Variants in BMERB1 observed in about 807,000 individuals in gnomAD.
BMERB1 encodes bMERB domain containing 1, also known as bMERB domain-containing protein 1.
BMERB1 carries 12 observed loss-of-function variants against 23.6 expected under a neutral mutation model. The ratio of observed to expected loss-of-function variants is 0.51; its 90% CI spans 0.33 to 0.82. BMERB1 has a LOEUF of 0.82. Ranked by LOEUF, BMERB1 falls within the 40% of genes least tolerant of loss-of-function variation. The pLI, the probability that BMERB1 is intolerant of heterozygous loss-of-function variation, is 0.03. For missense variants in BMERB1, 247 were observed against 255.4 expected (o/e 0.97, Z 0.22); for synonymous variants, 122 against 96.6 (o/e 1.26, Z -1.54).
intron 2 of BMERB1, among the ~76,000 whole-genome samples, chr16:15,520,689 G>C (rs562566082): frequency 6.6e-6 from 1 of 151,810 alleles, no homozygotes; most frequent in Non-Finnish European, 1.5e-5. Flanking sequence ...GGGTTTCACC[G>C]TGTTAGCCAG....
intron 1 of BMERB1, among the ~76,000 whole-genome samples, chr16:15,445,298 A>T (rs903210508): frequency 6.6e-6 from 1 of 152,218 alleles, no homozygotes; most frequent in African/African-American, 2.4e-5. Flanking sequence ...GAAATCATTC[A>T]ATACAGAGGT....
chr16:15,472,860 CT>C (rs34677062), intron 1 of BMERB1, among the ~76,000 whole-genome samples: 2,127 of 133,808 alleles, frequency 0.016, 37 homozygotes, highest in African/African-American at 0.054. Flanking sequence ...AGGATTCCAT[CT>C]TTTTTTTTTT....
intron 2 of BMERB1, among the ~76,000 whole-genome samples, chr16:15,562,096 TC>T (rs990373937): frequency 2.0e-5 from 3 of 151,142 alleles, no homozygotes; most frequent in African/African-American, 7.3e-5. Context: ...TCACCTGAGA[TC>T]AGGTGTTCGA....
At position 15,587,368 on chromosome 16, in the gene BMERB1, A is replaced by G. The variant is rs1311608185; in HGVS notation, c.*539A>G. On this transcript the variant is annotated 3_prime_UTR_variant, in exon 6 of 6. Transcript: ENST00000300006. ...CCCGTGTCTCTCGGGCACCACCCAT[A>G]TAGCAGTCCCAGAGGGCCCATCTGT... 3.8e-6 allele frequency: 1 copy of G among 263,150 alleles called. No individual in the cohort carries two copies. The highest frequency in any genetic ancestry group is 7.9e-6 in the Non-Finnish European group (1 of 126,194). The allele number at this position is 263,150 out of a possible 1,614,324, so 16.3% of individuals were successfully genotyped here. A position where few individuals can be genotyped will look rare whatever the true frequency, so the allele number is the denominator to read the frequency against.
rs147892323 is a variant in BMERB1 at position 15,569,845 on chromosome 16, T to C, written c.304+1789T>C. Among the ~76,000 whole-genome samples the C allele has an allele frequency of 3.6e-3, 553 of 152,320 alleles. 1 individual carries two copies. The highest frequency in any genetic ancestry group is 6.4e-3 in the South Asian group (31 of 4,830). On this transcript the variant is annotated intron_variant, in intron 3 of 5. Transcript: ENST00000300006. The stretch of plus-strand genomic sequence containing the variant: ...ACCTCTGGAATAATGGCAGTAGTCA[T>C]TTATGTCTACACCTTAGCAGAATTC...
chr16:15,530,855 T>C (rs2051959768), intron 2 of BMERB1, among the ~76,000 whole-genome samples: 1 of 152,060 alleles, frequency 6.6e-6, no homozygotes, highest in African/African-American at 2.4e-5. Context: ...TCCTGAGGCC[T>C]TCCAAGCTAT....
At chr16:15,579,242 G>A (rs1282008369) in intron 3 of BMERB1, among the ~76,000 whole-genome samples, 2 of 152,162 alleles carry the variant, frequency 1.3e-5, no homozygotes, top group African/African-American at 2.4e-5. Context: ...AGGGGTCCTG[G>A]TGAGTCGATG....
At position 15,534,331 on chromosome 16, in the gene BMERB1, G is replaced by T. The variant is rs566955045; in HGVS notation, c.230+18903G>T. 3.3e-3 allele frequency among the ~76,000 whole-genome samples: 484 copies of T among 147,876 alleles called. 2 individuals carry two copies. The highest frequency in any genetic ancestry group is 5.0e-3 in the Admixed American group (73 of 14,560). ...AAAAAAAAAAGAAAAGGCCAGGCGC[G>T]GTGGCTCACGTCTGTAATCCTAGCA... On this transcript the variant is annotated intron_variant, in intron 2 of 5. Coordinates refer to ENST00000300006, the MANE Select transcript of BMERB1 (RefSeq NM_033201.3).
chr16:15,435,807 T>A (rs973012579), intron 1 of BMERB1, among the ~76,000 whole-genome samples: 2 of 152,242 alleles, frequency 1.3e-5, no homozygotes, highest in African/African-American at 4.8e-5. Context: ...TAGAAAATCT[T>A]CCTAGAAGGG....
chr16:15,560,894 C>A (rs2030398126), intron 2 of BMERB1, among the ~76,000 whole-genome samples: 1 of 151,440 alleles, frequency 6.6e-6, no homozygotes, highest in African/African-American at 2.4e-5. Context: ...TTGTTAGCTC[C>A]ATTCCTCAGA....
intron 2 of BMERB1, among the ~76,000 whole-genome samples, chr16:15,524,623 A>T (rs1023152755): frequency 6.6e-6 from 1 of 152,100 alleles, no homozygotes; most frequent in Non-Finnish European, 1.5e-5. Flanking sequence ...CAAAAAAATT[A>T]GCTAGGCATG....
At chr16:15,466,210 A>G (rs2051178981) in intron 1 of BMERB1, among the ~76,000 whole-genome samples, 1 of 152,204 alleles carries the variant, frequency 6.6e-6, no homozygotes, top group African/African-American at 2.4e-5. Flanking sequence ...GCAGGTGGTA[A>G]TAATCACCAT....
At chr16:15,503,344 C>T (rs954280585) in intron 1 of BMERB1, among the ~76,000 whole-genome samples, 4 of 151,636 alleles carry the variant, frequency 2.6e-5, no homozygotes, top group East Asian at 3.9e-4. Flanking sequence ...TGCAGTGGCG[C>T]GATCTCGGCT....
chr16:15,467,495 C>T (rs2051190598), intron 1 of BMERB1, among the ~76,000 whole-genome samples: 2 of 152,146 alleles, frequency 1.3e-5, no homozygotes, highest in South Asian at 4.1e-4. Flanking sequence ...ATAATCTCTT[C>T]AGTGAAATGC....
intron 2 of BMERB1, among the ~76,000 whole-genome samples, chr16:15,546,676 A>T (rs980929191): frequency 1.3e-5 from 2 of 152,220 alleles, no homozygotes; most frequent in African/African-American, 4.8e-5. Flanking sequence ...AGCTTCTTCT[A>T]GTCTAACTAA....
At chr16:15,462,888 C>G (rs187795893) in intron 1 of BMERB1, among the ~76,000 whole-genome samples, 22 of 152,250 alleles carry the variant, frequency 1.4e-4, no homozygotes, top group African/African-American at 5.3e-4. Context: ...CCTCTGTTGT[C>G]AAGGAAGTCC....
intron 1 of BMERB1, among the ~76,000 whole-genome samples, chr16:15,449,924 T>C (rs2051027518): frequency 6.6e-6 from 1 of 151,912 alleles, no homozygotes. Context: ...TAAAATTTTT[T>C]TTTTTTTGGT....
chr16:15,490,584 C>T (rs890537871), intron 1 of BMERB1, among the ~76,000 whole-genome samples: 1 of 152,108 alleles, frequency 6.6e-6, no homozygotes, highest in Non-Finnish European at 1.5e-5. Flanking sequence ...CACCCAGCCT[C>T]GGACTGCTAC....
At chr16:15,533,872 T>A (rs925523707) in intron 2 of BMERB1, among the ~76,000 whole-genome samples, 3 of 152,054 alleles carry the variant, frequency 2.0e-5, no homozygotes, top group African/African-American at 7.2e-5. Flanking sequence ...GCATCCTTTC[T>A]CCAGACCCTT....
Sources: allele counts gnomAD v4.1 joint callset (sites outside exome capture counted in the v4.1 genomes callset), GRCh38; gene constraint gnomAD v4.1.1; transcripts MANE v1.5; gene names NCBI Gene and HGNC (gene_info 2026-07-23, HGNC 2026-07-21).